WWOX: variants seen among roughly 807,000 people sequenced by gnomAD.
The protein encoded by WWOX is WW domain-containing oxidoreductase.
Under a neutral mutation model 46.2 loss-of-function variants are expected in WWOX, and 69 were observed. That is an observed-to-expected ratio of 1.49 (90% CI 1.23 to 1.82). WWOX has a LOEUF of 1.82. WWOX is among the 40% of genes most tolerant of loss of function. WWOX has a pLI of 0.00. For synonymous variants in WWOX, 359 were observed against 202.6 expected (o/e 1.77, Z -6.56); for missense variants, 919 against 542.6 (o/e 1.69, Z -6.89).
At position 79,033,390 on chromosome 16, in the gene WWOX, T is replaced by C. The variant is rs995393609; in HGVS notation, c.1057-178218T>C. Among the ~76,000 whole-genome samples, 257 of 150,492 alleles carry C rather than the reference T, an allele frequency of 1.7e-3. 1 individual carries two copies. The highest frequency in any genetic ancestry group is 6.0e-3 in the African/African-American group (248 of 41,084). On this transcript the variant is annotated intron_variant, in intron 8 of 8. Coordinates refer to ENST00000566780, the MANE Select transcript of WWOX (RefSeq NM_016373.4). ...ATAATAGACTCTATAATATAGACTC[T>C]AATAATTATTTTTTAAGGCTGCATA...
chr16:78,874,684 C>G (rs72804705), intron 8 of WWOX, among the ~76,000 whole-genome samples: 1 of 83,492 alleles, frequency 1.2e-5, no homozygotes, highest in Non-Finnish European at 2.2e-5. Flanking sequence ...AGATTTTTTT[C>G]TTTTTTTTTT....
intron 8 of WWOX, among the ~76,000 whole-genome samples, chr16:78,537,400 C>A (rs914401583): frequency 1.3e-5 from 2 of 152,130 alleles, no homozygotes; most frequent in Non-Finnish European, 2.9e-5. Flanking sequence ...GTCTTCTAAG[C>A]GGTGGAACTG....
chr16:78,963,359 C>T (rs750677617), intron 8 of WWOX, among the ~76,000 whole-genome samples: 1 of 152,134 alleles, frequency 6.6e-6, no homozygotes, highest in Admixed American at 6.5e-5. Context: ...GTCCCAGCTA[C>T]TTGGGCAGCT....
chr16:78,684,506 C>T (rs748816818), intron 8 of WWOX, among the ~76,000 whole-genome samples: 1 of 152,142 alleles, frequency 6.6e-6, no homozygotes, highest in Non-Finnish European at 1.5e-5. Flanking sequence ...GCAGTTCCCT[C>T]AGATTTATTA....
chr16:78,388,813 T>G (rs75154012), intron 6 of WWOX, among the ~76,000 whole-genome samples: 1 of 151,358 alleles, frequency 6.6e-6, no homozygotes, highest in East Asian at 2.0e-4. Context: ...CTACTAAAAA[T>G]GCAAAATTAA....
intron 8 of WWOX, among the ~76,000 whole-genome samples, chr16:78,845,290 A>C (rs2052269924): frequency 6.6e-6 from 1 of 151,950 alleles, no homozygotes; most frequent in Non-Finnish European, 1.5e-5. Context: ...TATTTACTGC[A>C]TCATGGGTGA....
At chr16:78,499,000 C>G (rs1469464537) in intron 8 of WWOX, among the ~76,000 whole-genome samples, 1 of 152,170 alleles carries the variant, frequency 6.6e-6, no homozygotes, top group East Asian at 1.9e-4. Flanking sequence ...GGCTTTTTGT[C>G]TATGAAGTAC....
intron 8 of WWOX, among the ~76,000 whole-genome samples, chr16:78,482,264 C>G (rs1270681666): frequency 6.6e-6 from 1 of 152,110 alleles, no homozygotes; most frequent in Non-Finnish European, 1.5e-5. Flanking sequence ...GAGACAGAGT[C>G]TTGCTCTTTT....
intron 8 of WWOX, among the ~76,000 whole-genome samples, chr16:79,171,215 A>G (rs2050693656): frequency 6.6e-6 from 1 of 152,208 alleles, no homozygotes; most frequent in African/African-American, 2.4e-5. Flanking sequence ...CACCCGGGGA[A>G]AATGTAGACG....
At chr16:78,432,285 T>C (rs2083239518) in intron 7 of WWOX, among the ~76,000 whole-genome samples, 1 of 152,108 alleles carries the variant, frequency 6.6e-6, no homozygotes, top group Non-Finnish European at 1.5e-5. Flanking sequence ...TTTGTATTTT[T>C]AGTAGAGATG....
At chr16:78,833,136 G>C (rs767520617) in intron 8 of WWOX, among the ~76,000 whole-genome samples, 4 of 151,628 alleles carry the variant, frequency 2.6e-5, no homozygotes, top group Non-Finnish European at 4.4e-5. Flanking sequence ...CCAACTCCTA[G>C]GCTCAAGCGA....
intron 8 of WWOX, among the ~76,000 whole-genome samples, chr16:79,143,062 G>C (rs2050120072): frequency 6.6e-6 from 1 of 152,034 alleles, no homozygotes; most frequent in South Asian, 2.1e-4. Context: ...AAAGGAAAGA[G>C]AACGCTCATA....
chr16:78,379,760 T>C (rs1286404938), intron 5 of WWOX, among the ~76,000 whole-genome samples: 5 of 152,212 alleles, frequency 3.3e-5, no homozygotes, highest in African/African-American at 4.8e-5. Context: ...CAATCTGCAA[T>C]TAACAATGAT....
intron 8 of WWOX, among the ~76,000 whole-genome samples, chr16:79,058,615 C>G (rs942458240): frequency 7.2e-5 from 11 of 152,108 alleles, no homozygotes; most frequent in Non-Finnish European, 1.6e-4. Context: ...TGAAGCTGGC[C>G]TAATCCCTGG....
At chr16:78,483,156 TCTATTTTTTAA>T (rs1209668821) in intron 8 of WWOX, among the ~76,000 whole-genome samples, 1 of 152,156 alleles carries the variant, frequency 6.6e-6, no homozygotes, top group Non-Finnish European at 1.5e-5. Flanking sequence ...CTGCTTTTCT[TCTATTTTTTAA>T]AAATGCACCC....
intron 8 of WWOX, among the ~76,000 whole-genome samples, chr16:78,945,069 A>G (rs537393153): frequency 5.3e-5 from 8 of 152,278 alleles, no homozygotes; most frequent in Non-Finnish European, 8.8e-5. Flanking sequence ...AGTCGCAGGT[A>G]CTTGGGAGGC....
chr16:78,408,490 T>C (rs1326861402), intron 6 of WWOX, among the ~76,000 whole-genome samples: 2 of 152,168 alleles, frequency 1.3e-5, no homozygotes, highest in African/African-American at 4.8e-5. Context: ...CTCTCCATTG[T>C]CTGCATGCCT....
At chr16:78,208,470 C>G (rs150513011) in intron 5 of WWOX, among the ~76,000 whole-genome samples, 2 of 152,256 alleles carry the variant, frequency 1.3e-5, no homozygotes, top group African/African-American at 2.4e-5. Context: ...CAAATTAAAT[C>G]TCATAAAAAC....
rs548366256 is a variant in WWOX at position 78,542,018 on chromosome 16, C to CAAAAAAAAAAAA, written c.1056+109283_1056+109294dup. 7.9e-4 allele frequency among the ~76,000 whole-genome samples: 32 copies of CAAAAAAAAAAAA among 40,638 alleles called. 6 individuals are homozygous for CAAAAAAAAAAAA. The highest frequency in any genetic ancestry group is 4.5e-3 in the South Asian group (3 of 672). 26.7% of individuals were successfully genotyped at this position (40,638 alleles called of 152,430 possible). A position where few individuals can be genotyped will look rare whatever the true frequency, so the allele number is the denominator to read the frequency against. On this transcript the variant is annotated intron_variant, in intron 8 of 8. Transcript: ENST00000566780. ...GAGGGTTTCTTTCAACAGAGTATAC[C>CAAAAAAAAAAAA]AAAAAAAAAAAAAAAAAAAAAAAAA... is the stretch of plus-strand genomic sequence containing the variant.
Sources: allele counts gnomAD v4.1 joint callset (sites outside exome capture counted in the v4.1 genomes callset), GRCh38; gene constraint gnomAD v4.1.1; transcripts MANE v1.5; gene names NCBI Gene and HGNC (gene_info 2026-07-23, HGNC 2026-07-21).